Variants in EFHD1 observed in about 807,000 individuals in gnomAD.
EFHD1 encodes EF-hand domain-containing protein D1.
In EFHD1, 10 loss-of-function variants were observed where a neutral mutation model predicts 17.2. The ratio of observed to expected loss-of-function variants is 0.58; its 90% CI spans 0.36 to 0.99. The LOEUF (loss-of-function observed/expected upper bound fraction) is 0.99. Among genes scored for constraint, EFHD1 ranks in the 50% least tolerant of loss-of-function variants. EFHD1 has a pLI of 0.01. For synonymous variants in EFHD1, 153 were observed against 142.0 expected (o/e 1.08, Z -0.55); for missense variants, 310 against 327.5 (o/e 0.95, Z 0.41).
At chr2:232,645,242 G>A (rs1344059315) in intron 1 of EFHD1, among the ~76,000 whole-genome samples, 2 of 152,108 alleles carry the variant, frequency 1.3e-5, no homozygotes, top group South Asian at 2.1e-4. Context: ...CCACATCCAA[G>A]GCAGACACGC....
chr2:232,681,191 AT>A (rs1695276234), intron 3 of EFHD1, among the ~76,000 whole-genome samples: 1 of 152,140 alleles, frequency 6.6e-6, no homozygotes, highest in South Asian at 2.1e-4. Flanking sequence ...AATAAAAAAA[AT>A]AAATCCCATC....
intron 1 of EFHD1, among the ~76,000 whole-genome samples, chr2:232,642,842 T>TA (rs1438042881): frequency 1.4e-4 from 21 of 152,116 alleles, no homozygotes; most frequent in Admixed American, 4.6e-4. Context: ...TGCATGTTCT[T>TA]ACACAAGATT....
In EFHD1 at chr2:232,681,974, G is replaced by A. The variant is rs905255792; in HGVS notation, c.*255G>A. ...TCTGCCCTTCTTATAGCCAGAACTT[G>A]TATCTTCTCAGCAACCTTCACTTTG... On this transcript the variant is annotated 3_prime_UTR_variant, in exon 4 of 4. Transcript: ENST00000264059. 6.8e-6 allele frequency: 3 copies of A among 444,192 alleles called. No individual in the cohort carries two copies. Among genetic ancestry groups the A allele is most frequent in the East Asian group, 4.0e-5 (1 of 25,040 alleles). 27.5% of individuals were successfully genotyped at this position (444,192 alleles called of 1,614,324 possible).
chr2:232,644,843 T>C (rs1263188069), intron 1 of EFHD1, among the ~76,000 whole-genome samples: 3 of 149,282 alleles, frequency 2.0e-5, no homozygotes, highest in African/African-American at 7.4e-5. Context: ...GGTTTCTCCA[T>C]GTTGGTCAGG....
chr2:232,638,128 C>A, intron 1 of EFHD1: 2 of 262,348 alleles, frequency 7.6e-6, no homozygotes, highest in Non-Finnish European at 1.5e-5. Flanking sequence ...ATGAGAAGGC[C>A]CAGAAGAAAC....
chr2:232,627,522 T>G (rs982358239), intron 1 of EFHD1, among the ~76,000 whole-genome samples: 4 of 152,160 alleles, frequency 2.6e-5, no homozygotes, highest in Non-Finnish European at 5.9e-5. Context: ...AAATGACACC[T>G]CCCTTTTTTC....
At chr2:232,668,765 C>G (rs1256645051) in intron 2 of EFHD1, among the ~76,000 whole-genome samples, 3 of 152,112 alleles carry the variant, frequency 2.0e-5, no homozygotes, top group African/African-American at 7.2e-5. Flanking sequence ...TCCCGAGTAG[C>G]TGGGATTACA....
At chr2:232,673,731 C>T (rs1345575144) in intron 3 of EFHD1, among the ~76,000 whole-genome samples, 3 of 151,996 alleles carry the variant, frequency 2.0e-5, no homozygotes, top group Admixed American at 2.0e-4. Flanking sequence ...ATTAACCCAG[C>T]TTTTTATTTT....
chr2:232,644,439 G>A (rs1694488932), intron 1 of EFHD1, among the ~76,000 whole-genome samples: 1 of 152,058 alleles, frequency 6.6e-6, no homozygotes, highest in Non-Finnish European at 1.5e-5. Context: ...TGTTGGCTTG[G>A]AGGCCTTTGT....
intron 2 of EFHD1, among the ~76,000 whole-genome samples, chr2:232,665,835 C>T (rs191351226): frequency 2.0e-5 from 3 of 152,332 alleles, no homozygotes. Flanking sequence ...TCCCTGCTTC[C>T]TGGTGTTTAA....
chr2:232,667,951 G>A (rs935085657), intron 2 of EFHD1, among the ~76,000 whole-genome samples: 4 of 152,192 alleles, frequency 2.6e-5, no homozygotes, highest in Non-Finnish European at 2.9e-5. Context: ...AACTAATACC[G>A]TGGGAGTGTT....
intron 1 of EFHD1, among the ~76,000 whole-genome samples, chr2:232,624,262 C>A: frequency 6.6e-6 from 1 of 152,168 alleles, no homozygotes; most frequent in Non-Finnish European, 1.5e-5. Flanking sequence ...AATCAGCCCC[C>A]TGGGGGTGCT....
At chr2:232,677,841 A>T (rs1695206591) in intron 3 of EFHD1, among the ~76,000 whole-genome samples, 1 of 152,202 alleles carries the variant, frequency 6.6e-6, no homozygotes, top group Admixed American at 6.5e-5. Flanking sequence ...AAGAATGCAA[A>T]CATATTGAAA....
chr2:232,616,597 C>G lies in EFHD1; in HGVS notation c.14+10424C>G, dbSNP rs1693932626. Among the ~76,000 whole-genome samples the G allele has an allele frequency of 2.6e-5, 4 of 152,312 alleles. No individual in the cohort carries two copies. The South Asian group carries it at 8.3e-4, about 32-fold the overall frequency. The stretch of plus-strand genomic sequence containing the variant: ...TACAGGCGTGAGCCACCACACCTAG[C>G]CACATGATGCCACTTATATGAGGTC... On this transcript the variant is annotated intron_variant, in intron 1 of 3. Coordinates refer to the EFHD1 transcript ENST00000409613.
At chr2:232,642,476 G>A (rs999864273) in intron 1 of EFHD1, among the ~76,000 whole-genome samples, 2 of 151,870 alleles carry the variant, frequency 1.3e-5, no homozygotes, top group African/African-American at 4.8e-5. Flanking sequence ...TTGACTTCCG[G>A]TCTTGGAACT....
At chr2:232,675,235 GAGAAAGAAAAGAAAGA>G (rs1695149577) in intron 3 of EFHD1, among the ~76,000 whole-genome samples, 1 of 137,904 alleles carries the variant, frequency 7.3e-6, no homozygotes, top group Non-Finnish European at 1.6e-5. Flanking sequence ...GAAAGAAAGA[GAGAAAGAAAAGAAAGA>G]AAAGAAAAGA....
intron 1 of EFHD1, 148 bp downstream of exon 1, chr2:232,634,154 C>T (rs945365397): frequency 9.8e-6 from 14 of 1,429,822 alleles, no homozygotes; most frequent in Non-Finnish European, 1.2e-5. Flanking sequence ...CTTGCGTGCT[C>T]GGGTCTATCT....
intron 1 of EFHD1, among the ~76,000 whole-genome samples, chr2:232,619,316 T>C (rs1045367925): frequency 4.9e-4 from 73 of 148,058 alleles, no homozygotes; most frequent in African/African-American, 1.3e-3. Flanking sequence ...TTCTTTCTTT[T>C]TTTTTTTTTT....
chr2:232,608,511 TTG>T (rs1306631251), intron 1 of EFHD1, among the ~76,000 whole-genome samples: 4 of 152,376 alleles, frequency 2.6e-5, no homozygotes, highest in African/African-American at 9.6e-5. Context: ...ATGATTTTTA[TTG>T]TTATATTTTT....
Sources: gnomAD v4.1 joint callset for allele counts (sites outside exome capture counted in the v4.1 genomes callset) on GRCh38, gnomAD v4.1.1 for gene constraint, MANE v1.5 for transcripts, NCBI Gene and HGNC (gene_info 2026-07-23, HGNC 2026-07-21) for gene names.